The following VASN variants were observed in gnomAD, a reference collection of about 807,000 sequenced individuals.
The protein encoded by VASN is protein slit-like 2.
In VASN, 5 loss-of-function variants were observed where a neutral mutation model predicts 4.8. The observed-to-expected ratio is 1.03, with a 90% CI of 0.54 to 2.17. VASN has a LOEUF of 2.17. Ranked by LOEUF, VASN falls within the 30% of genes most tolerant of loss-of-function variation. The probability of loss-of-function intolerance (pLI) is 0.01; values close to 1 mark genes in which losing one functional copy is unlikely to be tolerated. For missense variants in VASN, 927 were observed against 948.8 expected (o/e 0.98, Z 0.30); for synonymous variants, 499 against 460.8 (o/e 1.08, Z -1.06).
intron 1 of VASN, among the ~76,000 whole-genome samples, chr16:4,375,188 G>A (rs2054676204): frequency 6.6e-6 from 1 of 152,180 alleles, no homozygotes; most frequent in African/African-American, 2.4e-5. Context: ...CCTGCCCTGG[G>A]CTAACAGGTC....
rs1477733553 is a variant in VASN at position 4,381,126 on chromosome 16, G to T, written c.249G>T (p.Leu83=). ...TGCCGGGCCTGCAGCTCCTGGACCT[G>T]TCACAGAACCAGATCGCCAGCCTGC... ...AGLPGLQLLD[L]SQNQIASLPS... is the part of the protein sequence containing the mutation. Residue 83 remains leucine (L), a synonymous_variant, in exon 2 of 2, where the codon CTG becomes CTT. Transcript: ENST00000304735. 3 of 1,610,126 alleles carry T rather than the reference G, an allele frequency of 1.9e-6. No homozygotes were observed. Among genetic ancestry groups the T allele is most frequent in the Admixed American group, 3.3e-5 (2 of 59,710 alleles).
chr16:4,382,325 A>G lies in VASN; in HGVS notation c.1448A>G (p.Tyr483Cys), dbSNP rs778689759. ...TCCCTGCGCGTGGGGCTGCAGCGCTACCTCCAGGGGAGCTCCGTGCAGCTC... is the reference window on the plus strand; with the variant it reads ...TCCCTGCGCGTGGGGCTGCAGCGCTGCCTCCAGGGGAGCTCCGTGCAGCTC... ...PTSLRVGLQR[Y>C]LQGSSVQLRS... The change falls in exon 2 of 2, where the codon TAC (tyrosine) becomes TGC (cysteine). Residue 483 changes from tyrosine (Y) to cysteine (C), a missense_variant. Physicochemically the swap from Tyr to Cys is radical, Grantham distance 194. Coordinates refer to ENST00000304735, the MANE Select transcript of VASN (RefSeq NM_138440.3). The G allele has an allele frequency of 6.2e-7, 1 of 1,611,198 alleles. No individual in the cohort carries two copies. The highest frequency in any genetic ancestry group is 8.5e-7 in the Non-Finnish European group (1 of 1,179,316).
intron 1 of VASN, among the ~76,000 whole-genome samples, chr16:4,373,741 C>CAA (rs2054616077): frequency 6.6e-6 from 1 of 152,104 alleles, no homozygotes; most frequent in Non-Finnish European, 1.5e-5. Context: ...TGGGTCCCAA[C>CAA]ACAACACTGG....
intron 1 of VASN, among the ~76,000 whole-genome samples, chr16:4,374,302 C>T (rs891737186): frequency 6.6e-6 from 1 of 152,116 alleles, no homozygotes; most frequent in Non-Finnish European, 1.5e-5. Flanking sequence ...TTTCCCTCCG[C>T]GCTGGGCCGC....
At chr16:4,378,972 A>C (rs2054854908) in intron 1 of VASN, among the ~76,000 whole-genome samples, 1 of 152,044 alleles carries the variant, frequency 6.6e-6, no homozygotes, top group African/African-American at 2.4e-5. Context: ...AACCCCGGGG[A>C]CAAGGGCTTC....
rs112617295 is a variant in VASN, at chr16:4,380,660, C to T, written c.-9-209C>T. Reference sequence around the variant, plus strand: ...AGTGGATGTCATGCCCCATGATGACCTCTGTGTGCATTGACAAGGTCACAC... The same window carrying T: ...AGTGGATGTCATGCCCCATGATGACTTCTGTGTGCATTGACAAGGTCACAC... On this transcript the variant is annotated intron_variant, in intron 1 of 1. Transcript: ENST00000304735. 8.6e-3 allele frequency among the ~76,000 whole-genome samples: 1,309 copies of T among 152,330 alleles called. 20 individuals carry two copies. The highest frequency in any genetic ancestry group is 0.03 in the African/African-American group (1,244 of 41,574).
Position 4,381,850 on chromosome 16 carries a change from G to A in VASN, c.973G>A (p.Glu325Lys). Residue 325 changes from glutamate to lysine, a missense_variant, in exon 2 of 2, where the codon GAG (glutamate) becomes AAG (lysine). Glu to Lys is a moderately conservative substitution (Grantham distance 56, BLOSUM62 1). Transcript: ENST00000304735. ...ESHVTLASPEETRCHFPPKNA... is the reference protein window; with the variant it reads ...ESHVTLASPEKTRCHFPPKNA... ...CCACGTCACACTGGCCAGCCCTGAG[G>A]AGACGCGCTGCCACTTCCCGCCCAA... is the stretch of plus-strand genomic sequence containing the variant. The A allele has an allele frequency of 6.2e-7, 1 of 1,602,092 alleles. No individual in the cohort carries two copies. The highest frequency in any genetic ancestry group is 8.5e-7 in the Non-Finnish European group (1 of 1,179,744).
rs1259556103 is a variant in VASN at position 4,381,166 on chromosome 16, C to G, written c.289C>G (p.Gln97Glu). Residue 97 changes from glutamine (Q) to glutamate (E), a missense_variant, in exon 2 of 2, where the codon CAG becomes GAG. By Grantham distance (29) the Gln-to-Glu change is conservative (BLOSUM62 2). Transcript: ENST00000304735. ...QIASLPSGVF[Q>E]PLANLSNLDL... Reference sequence around the variant, plus strand: ...CGCCAGCCTGCCCAGCGGGGTCTTCCAGCCACTCGCCAACCTCAGCAACCT... The same window carrying G: ...CGCCAGCCTGCCCAGCGGGGTCTTCGAGCCACTCGCCAACCTCAGCAACCT... 1 of 1,611,600 alleles carries G rather than the reference C, an allele frequency of 6.2e-7. No individual in the cohort carries two copies. Among genetic ancestry groups the G allele is most frequent in the South Asian group, 1.1e-5 (1 of 90,912 alleles).
rs1474053829 is a variant in VASN, at chr16:4,382,693, G to A, written c.1816G>A (p.Ala606Thr). The A allele has an allele frequency of 2.6e-6, 4 of 1,546,774 alleles. No individual in the cohort carries two copies. Among genetic ancestry groups the A allele is most frequent in the Admixed American group, 2.0e-5 (1 of 50,652 alleles). ...CTGTGTGCGGCGGGGGCGGGCCATG[G>A]CAGCAGCGGCTCAGGACAAAGGGCA... ...AYCVRRGRAM[A>T]AAAQDKGQVG... The change falls in exon 2 of 2, where the codon GCA becomes ACA. Residue 606 changes from alanine (A) to threonine (T), a missense_variant. Ala to Thr is a moderately conservative substitution (Grantham distance 58). Coordinates refer to ENST00000304735, the MANE Select transcript of VASN (RefSeq NM_138440.3).
rs2055051347 is a variant in VASN at position 4,382,898 on chromosome 16, AAGCC to A, written c.*2_*5del. On this transcript the variant is annotated stop_retained_variant and 3_prime_UTR_variant, in exon 2 of 2. Transcript: ENST00000304735. ...CCCCTCCACGCAAAGCCCTACATCT[AAGCC>A]AGAGAGAGACAGGGCAGCTGGGGCC... The A allele has an allele frequency of 1.3e-6, 2 of 1,511,232 alleles. No individual in the cohort carries two copies. The highest frequency in any genetic ancestry group is 1.8e-6 in the Non-Finnish European group (2 of 1,130,608). 93.6% of individuals were successfully genotyped at this position (1,511,232 alleles called of 1,614,324 possible). A position where few individuals can be genotyped will look rare whatever the true frequency, so the allele number is the denominator to read the frequency against.
chr16:4,373,709 A>C (rs1383617497), intron 1 of VASN, among the ~76,000 whole-genome samples: 1 of 152,136 alleles, frequency 6.6e-6, no homozygotes, highest in Non-Finnish European at 1.5e-5. Flanking sequence ...CAGAAAATTA[A>C]GTCCTTGCCT....
chr16:4,378,870 C>T (rs1426212112), intron 1 of VASN, among the ~76,000 whole-genome samples: 2 of 152,008 alleles, frequency 1.3e-5, no homozygotes, highest in African/African-American at 2.4e-5. Flanking sequence ...TGCTTGTTGT[C>T]GCTAACTGGC....
chr16:4,382,332 G>A lies in VASN; in HGVS notation c.1455G>A (p.Gln485=), dbSNP rs745710963. The A allele has an allele frequency of 8.7e-6, 14 of 1,611,252 alleles. No homozygotes were observed. In the Admixed American group the frequency reaches 2.2e-4, roughly 25 times the overall value. The part of the protein sequence containing the change: ...SLRVGLQRYL[Q]GSSVQLRSLR... ...GCGTGGGGCTGCAGCGCTACCTCCAGGGGAGCTCCGTGCAGCTCAGGAGCC... is the reference window on the plus strand; with the variant it reads ...GCGTGGGGCTGCAGCGCTACCTCCAAGGGAGCTCCGTGCAGCTCAGGAGCC... The change falls in exon 2 of 2, where the codon CAG becomes CAA. Residue 485 remains glutamine, a synonymous_variant. Transcript: ENST00000304735.
At position 4,382,378 on chromosome 16, in the gene VASN, C is replaced by T. The variant is rs766784749; in HGVS notation, c.1501C>T (p.Leu501=). ...GAGCCTCCGTCTCACCTATCGCAACCTATCGGGCCCTGATAAGCGGCTGGT... is the reference window on the plus strand; with the variant it reads ...GAGCCTCCGTCTCACCTATCGCAACTTATCGGGCCCTGATAAGCGGCTGGT... The part of the protein sequence containing the change: ...LRSLRLTYRN[L]SGPDKRLVTL... The change falls in exon 2 of 2, where the codon CTA becomes TTA. Residue 501 remains leucine, a synonymous_variant. Transcript: ENST00000304735. The T allele has an allele frequency of 3.7e-6, 6 of 1,612,262 alleles. No homozygotes were observed. Among genetic ancestry groups the T allele is most frequent in the Non-Finnish European group, 5.1e-6 (6 of 1,179,764 alleles).
chr16:4,382,697 C>A lies in VASN; in HGVS notation c.1820C>A (p.Ala607Glu), dbSNP rs1052389571. 6.5e-7 allele frequency: 1 copy of A among 1,546,982 alleles called. No homozygotes were observed. The highest frequency in any genetic ancestry group is 8.7e-7 in the Non-Finnish European group (1 of 1,146,992). ...GTGCGGCGGGGGCGGGCCATGGCAG[C>A]AGCGGCTCAGGACAAAGGGCAGGTG... ...YCVRRGRAMA[A>E]AAQDKGQVGP... Residue 607 changes from alanine to glutamate, a missense_variant, in exon 2 of 2, where the codon GCA becomes GAA. By Grantham distance (107) the Ala-to-Glu change is moderately radical (BLOSUM62 -1). Transcript: ENST00000304735.
At chr16:4,378,500 C>A (rs535474776) in intron 1 of VASN, among the ~76,000 whole-genome samples, 1 of 152,160 alleles carries the variant, frequency 6.6e-6, no homozygotes, top group Non-Finnish European at 1.5e-5. Flanking sequence ...TCACTCACAG[C>A]CCACATCTGG....
Position 4,381,636 on chromosome 16 carries a change from C to G in VASN, c.759C>G (p.Ala253=), listed in dbSNP as rs1043441857. 1.3e-5 allele frequency: 21 copies of G among 1,599,418 alleles called. No individual in the cohort carries two copies. Among genetic ancestry groups the G allele is most frequent in the Non-Finnish European group, 1.8e-5 (21 of 1,173,832 alleles). Residue 253 remains alanine, a synonymous_variant, in exon 2 of 2, where the codon GCC becomes GCG. Coordinates refer to ENST00000304735, the MANE Select transcript of VASN (RefSeq NM_138440.3). The part of the protein sequence containing the change: ...RLRLAGNTRI[A]QLRPEDLAGL... Reference sequence around the variant, plus strand: ...GGCTGGCCGGCAACACCCGCATTGCCCAGCTGCGGCCCGAGGACCTGGCCG... The same window carrying G: ...GGCTGGCCGGCAACACCCGCATTGCGCAGCTGCGGCCCGAGGACCTGGCCG...
chr16:4,377,618 G>A (rs374298819), intron 1 of VASN, among the ~76,000 whole-genome samples: 59 of 152,258 alleles, frequency 3.9e-4, no homozygotes, highest in African/African-American at 1.3e-3. Context: ...CCCTGCCACC[G>A]TCCCCTCCAC....
Position 4,382,445 on chromosome 16 carries a change from C to A in VASN, c.1568C>A (p.Thr523Asn), listed in dbSNP as rs1160659036. ...GCCTCGCTCGCTGAGTACACGGTCA[C>A]CCAGCTGCGGCCCAACGCCACTTAC... ...LPASLAEYTV[T>N]QLRPNATYSV... is the part of the protein sequence containing the mutation. The change falls in exon 2 of 2, where the codon ACC becomes AAC. Residue 523 changes from threonine (T) to asparagine (N), a missense_variant. Physicochemically the swap from Thr to Asn is moderately conservative, Grantham distance 65. Coordinates refer to ENST00000304735, the MANE Select transcript of VASN (RefSeq NM_138440.3). 2.5e-6 allele frequency: 4 copies of A among 1,609,776 alleles called. No homozygotes were observed. Among genetic ancestry groups the A allele is most frequent in the Non-Finnish European group, 3.4e-6 (4 of 1,178,660 alleles).
Sources: allele counts gnomAD v4.1 joint callset (sites outside exome capture counted in the v4.1 genomes callset), GRCh38; gene constraint gnomAD v4.1.1; transcripts MANE v1.5; gene names NCBI Gene and HGNC (gene_info 2026-07-23, HGNC 2026-07-21).